The following C1orf21 variants were observed in gnomAD, a reference collection of about 807,000 sequenced individuals.
The protein encoded by C1orf21 is uncharacterized protein C1orf21.
C1orf21 carries 3 observed loss-of-function variants against 18.7 expected under a neutral mutation model. The observed-to-expected ratio is 0.16, with a 90% confidence interval of 0.07 to 0.42. The LOEUF (loss-of-function observed/expected upper bound fraction) is 0.42. Among genes scored for constraint, C1orf21 ranks in the 10% least tolerant of loss-of-function variants. C1orf21 has a pLI of 0.99. For synonymous variants in C1orf21, 41 were observed against 46.4 expected (o/e 0.88, Z 0.47); for missense variants, 104 against 143.6 (o/e 0.72, Z 1.41).
At chr1:184,545,076 C>A (rs1412421773) in intron 3 of C1orf21, among the ~76,000 whole-genome samples, 2 of 152,164 alleles carry the variant, frequency 1.3e-5, no homozygotes, top group Non-Finnish European at 2.9e-5. Context: ...ATCACATAGA[C>A]CAACCCTGGT....
chr1:184,610,601 C>G (rs1436932793), intron 5 of C1orf21, among the ~76,000 whole-genome samples: 1 of 152,196 alleles, frequency 6.6e-6, no homozygotes, highest in African/African-American at 2.4e-5. Flanking sequence ...AATCCCAGCA[C>G]TTTGGGAGGC....
At chr1:184,603,235 T>C (rs1214663032) in intron 5 of C1orf21, among the ~76,000 whole-genome samples, 1 of 152,220 alleles carries the variant, frequency 6.6e-6, no homozygotes, top group Non-Finnish European at 1.5e-5. Flanking sequence ...TATCCATAGA[T>C]AGTTGTGACT....
intron 2 of C1orf21, among the ~76,000 whole-genome samples, chr1:184,482,718 G>T (rs886381172): frequency 2.6e-5 from 4 of 152,206 alleles, no homozygotes; most frequent in Admixed American, 1.3e-4. Context: ...TCTGAAGTAT[G>T]TGTCTCTGAG....
chr1:184,484,643 A>C (rs778107652), intron 2 of C1orf21, among the ~76,000 whole-genome samples: 6 of 152,180 alleles, frequency 3.9e-5, no homozygotes, highest in Non-Finnish European at 7.4e-5. Flanking sequence ...CATATAACTA[A>C]GGTGGCCTGC....
intron 3 of C1orf21, among the ~76,000 whole-genome samples, chr1:184,533,984 G>A (rs780413767): frequency 1.3e-5 from 2 of 152,168 alleles, no homozygotes; most frequent in Non-Finnish European, 2.9e-5. Flanking sequence ...GTTCTGATTC[G>A]ACCCAAGAGT....
intron 2 of C1orf21, among the ~76,000 whole-genome samples, chr1:184,498,089 A>G (rs994622200): frequency 1.3e-4 from 20 of 152,058 alleles, no homozygotes; most frequent in Non-Finnish European, 1.6e-4. Context: ...TCCGATGTCA[A>G]TCCAGACCGC....
At chr1:184,606,086 C>T (rs937327107) in intron 5 of C1orf21, among the ~76,000 whole-genome samples, 18 of 152,156 alleles carry the variant, frequency 1.2e-4, no homozygotes, top group African/African-American at 4.1e-4. Context: ...TAAACATGTT[C>T]AGGAGTTAGA....
intron 1 of C1orf21, among the ~76,000 whole-genome samples, chr1:184,470,346 C>G (rs1327214150): frequency 6.6e-6 from 1 of 151,200 alleles, no homozygotes; most frequent in Non-Finnish European, 1.5e-5. Context: ...TTCTTATCTA[C>G]TTAGATTTTC....
Position 184,477,584 on chromosome 1 carries a change from G to T in C1orf21, c.75G>T (p.Gln25His), listed in dbSNP as rs760076576. ...EEEAQKGKNYQNGDVFGDEYR... is the reference protein window; with the variant it reads ...EEEAQKGKNYHNGDVFGDEYR... ...AAGCCCAGAAAGGGAAAAACTACCA[G>T]AACGGAGATGTGTTTGGCGGTGAGT... Residue 25 changes from glutamine (Q) to histidine (H), a missense_variant, in exon 2 of 6, where the codon CAG becomes CAT. Physicochemically the swap from Gln to His is conservative, Grantham distance 24. Transcript: ENST00000235307. 4 of 1,613,840 alleles carry T rather than the reference G, an allele frequency of 2.5e-6. No homozygotes were observed. Among genetic ancestry groups the T allele is most frequent in the Non-Finnish European group, 3.4e-6 (4 of 1,179,922 alleles).
intron 3 of C1orf21, among the ~76,000 whole-genome samples, chr1:184,564,395 G>T (rs757754538): frequency 6.6e-6 from 1 of 152,044 alleles, no homozygotes; most frequent in African/African-American, 2.4e-5. Flanking sequence ...TGCAACCTGC[G>T]CCTCCCAGGT....
chr1:184,616,726 C>CGTGTGTGT lies in C1orf21; in HGVS notation c.328-2779_328-2772dup, dbSNP rs55938251. Among the ~76,000 whole-genome samples, 532 of 150,810 alleles carry CGTGTGTGT rather than the reference C, an allele frequency of 3.5e-3. 3 individuals are homozygous for CGTGTGTGT. Among genetic ancestry groups the CGTGTGTGT allele is most frequent in the East Asian group, 0.019 (96 of 5,100 alleles). On this transcript the variant is annotated intron_variant, in intron 5 of 5. Coordinates refer to ENST00000235307, the MANE Select transcript of C1orf21 (RefSeq NM_030806.4). ...CACGTGTGTATGTGTGTTGTGTGCA[C>CGTGTGTGT]GTGTGTGTGTGTGTGTGTGTATCTG... is the stretch of plus-strand genomic sequence containing the variant.
In C1orf21 at chr1:184,605,553, A is replaced by T. The variant is rs559184379; in HGVS notation, c.327+7092A>T. ...TAGAGTAGACATCTCTACTTGGAGC[A>T]GCGTAGCAGGTATAGAGCAAGCACA... is the stretch of plus-strand genomic sequence containing the variant. On this transcript the variant is annotated intron_variant, in intron 5 of 5. Transcript: ENST00000235307. Among the ~76,000 whole-genome samples the T allele has an allele frequency of 8.5e-5, 13 of 152,302 alleles. No individual in the cohort carries two copies. The East Asian group carries it at 2.1e-3, about 25-fold the overall frequency.
chr1:184,554,362 A>G (rs939120698), intron 3 of C1orf21, among the ~76,000 whole-genome samples: 9 of 152,232 alleles, frequency 5.9e-5, no homozygotes, highest in African/African-American at 2.2e-4. Flanking sequence ...TCCTCAAATC[A>G]GTGAGATGAA....
At position 184,540,187 on chromosome 1, in the gene C1orf21, G is replaced by A. The variant is rs142686874; in HGVS notation, c.189+32505G>A. The A allele has an allele frequency of 3.2e-4, 49 of 152,248 alleles. No individual in the cohort carries two copies. The Middle Eastern group carries it at 0.014, about 42-fold the overall frequency. 9.4% of individuals were successfully genotyped at this position (152,248 alleles called of 1,614,324 possible). ...TTAATAAATGCCAGAGAAATCCAGTGCATAATGCATGTATCTTTTACCCAA... is the reference window on the plus strand; with the variant it reads ...TTAATAAATGCCAGAGAAATCCAGTACATAATGCATGTATCTTTTACCCAA... On this transcript the variant is annotated intron_variant, in intron 3 of 5. Coordinates refer to ENST00000235307, the MANE Select transcript of C1orf21 (RefSeq NM_030806.4).
intron 3 of C1orf21, among the ~76,000 whole-genome samples, chr1:184,576,606 T>G (rs922469352): frequency 8.5e-5 from 13 of 152,244 alleles, no homozygotes; most frequent in Non-Finnish European, 1.9e-4. Flanking sequence ...AGGCCTCCAC[T>G]ACCACCCAGC....
chr1:184,585,231 T>C (rs1316183121), intron 3 of C1orf21, among the ~76,000 whole-genome samples: 1 of 152,132 alleles, frequency 6.6e-6, no homozygotes, highest in Non-Finnish European at 1.5e-5. Flanking sequence ...CTTGAAGCCA[T>C]TTTCCTAATG....
chr1:184,432,961 T>G (rs141183588), intron 1 of C1orf21, among the ~76,000 whole-genome samples: 17 of 152,342 alleles, frequency 1.1e-4, no homozygotes, highest in African/African-American at 4.1e-4. Flanking sequence ...ACATAATTTT[T>G]GACACCAAAA....
chr1:184,615,860 C>G (rs1405172200), intron 5 of C1orf21, among the ~76,000 whole-genome samples: 1 of 152,140 alleles, frequency 6.6e-6, no homozygotes, highest in Non-Finnish European at 1.5e-5. Context: ...TATTTTGATA[C>G]ATGCATACAG....
chr1:184,399,383 G>A (rs1192437921), intron 1 of C1orf21, among the ~76,000 whole-genome samples: 11 of 107,106 alleles, frequency 1.0e-4, no homozygotes, highest in African/African-American at 4.0e-4. Context: ...TTTTTTTTGA[G>A]ACAAGGTCTG....
Sources: gnomAD v4.1 joint callset for allele counts (sites outside exome capture counted in the v4.1 genomes callset) on GRCh38, gnomAD v4.1.1 for gene constraint, MANE v1.5 for transcripts, NCBI Gene and HGNC (gene_info 2026-07-23, HGNC 2026-07-21) for gene names.